ALK: variants seen among roughly 807,000 people sequenced by gnomAD.
ALK encodes ALK receptor tyrosine kinase.
Under a neutral mutation model 163.1 loss-of-function variants are expected in ALK, and 74 were observed. The observed-to-expected ratio is 0.45, with a 90% CI of 0.38 to 0.55. The LOEUF (loss-of-function observed/expected upper bound fraction) is 0.55, where lower values mean the gene tolerates loss of function less well. ALK is among the 20% of genes least tolerant of loss of function. The probability of loss-of-function intolerance (pLI) is 0.00; values close to 1 mark genes in which losing one functional copy is unlikely to be tolerated. For synonymous variants in ALK, 960 were observed against 843.2 expected, an observed-to-expected ratio of 1.14 and a Z score of -2.40; for missense variants, 2,063 against 2,105.3, an observed-to-expected ratio of 0.98 and a Z score of 0.39.
intron 1 of ALK, among the ~76,000 whole-genome samples, chr2:29,814,405 A>T (rs1219788033): frequency 6.6e-6 from 1 of 151,748 alleles, no homozygotes; most frequent in African/African-American, 2.4e-5. Context: ...TCACACCTGT[A>T]ATCCCAGCAC....
intron 1 of ALK, among the ~76,000 whole-genome samples, chr2:29,724,721 T>C (rs1679520468): frequency 6.6e-6 from 1 of 152,172 alleles, no homozygotes; most frequent in Admixed American, 6.5e-5. Context: ...CTCTGGTTCA[T>C]ACATATTTGT....
intron 23 of ALK, among the ~76,000 whole-genome samples, chr2:29,217,552 G>A (rs1669674513): frequency 6.6e-6 from 1 of 152,120 alleles, no homozygotes; most frequent in Non-Finnish European, 1.5e-5. Context: ...CATCCACTCT[G>A]TCTACCGCGT....
At chr2:29,701,576 A>G (rs1408608405) in intron 2 of ALK, among the ~76,000 whole-genome samples, 1 of 152,192 alleles carries the variant, frequency 6.6e-6, no homozygotes, top group Admixed American at 6.5e-5. Context: ...GTCTCTTATT[A>G]TGAAGTAAAG....
At chr2:29,229,319 C>T (rs1664119289) in intron 15 of ALK, among the ~76,000 whole-genome samples, 1 of 152,136 alleles carries the variant, frequency 6.6e-6, no homozygotes, top group Admixed American at 6.5e-5. Flanking sequence ...CTGCTTCCTG[C>T]CAGTACTCTC....
At chr2:29,784,707 C>A (rs969593673) in intron 1 of ALK, among the ~76,000 whole-genome samples, 5 of 62,540 alleles carry the variant, frequency 8.0e-5, no homozygotes, top group Admixed American at 2.2e-4. Context: ...ACAACAACAA[C>A]AACAAAAACA....
chr2:29,256,240 C>G (rs1234045020), intron 11 of ALK, among the ~76,000 whole-genome samples: 3 of 152,136 alleles, frequency 2.0e-5, no homozygotes, highest in African/African-American at 7.2e-5. Flanking sequence ...CTTGTTTTGT[C>G]CTTCTTCCTG....
intron 1 of ALK, among the ~76,000 whole-genome samples, chr2:29,871,231 T>G (rs1259070094): frequency 6.6e-6 from 1 of 152,154 alleles, no homozygotes; most frequent in Non-Finnish European, 1.5e-5. Flanking sequence ...AAGGCATCCT[T>G]TCACCTAGAG....
At chr2:29,383,399 C>T (rs1482275548) in intron 5 of ALK, among the ~76,000 whole-genome samples, 1 of 152,056 alleles carries the variant, frequency 6.6e-6, no homozygotes, top group African/African-American at 2.4e-5. Flanking sequence ...TCGCTGTGAC[C>T]TCTGTCTCCC....
intron 1 of ALK, among the ~76,000 whole-genome samples, chr2:29,881,833 C>T (rs1056059868): frequency 1.3e-5 from 2 of 152,144 alleles, no homozygotes; most frequent in Admixed American, 6.5e-5. Context: ...CTTTCATTAC[C>T]TGTACTCCCC....
At chr2:29,914,841 G>A (rs527460517) in intron 1 of ALK, among the ~76,000 whole-genome samples, 6 of 152,266 alleles carry the variant, frequency 3.9e-5, no homozygotes, top group African/African-American at 1.4e-4. Context: ...AAAGAACTCT[G>A]ACTTGAAGGA....
intron 1 of ALK, among the ~76,000 whole-genome samples, chr2:29,879,213 C>G (rs892674718): frequency 6.6e-6 from 1 of 152,208 alleles, no homozygotes; most frequent in African/African-American, 2.4e-5. Context: ...AATCCCTCCC[C>G]CAAGCAGTTT....
At chr2:29,772,097 T>TG (rs995846227) in intron 1 of ALK, among the ~76,000 whole-genome samples, 6 of 151,960 alleles carry the variant, frequency 3.9e-5, no homozygotes, top group Non-Finnish European at 5.9e-5. Context: ...CCCACCCAGA[T>TG]GGGAGCAGGG....
intron 4 of ALK, among the ~76,000 whole-genome samples, chr2:29,487,330 A>G (rs558415478): frequency 4.3e-4 from 66 of 152,326 alleles, no homozygotes; most frequent in Non-Finnish European, 7.5e-4. Context: ...ACAGTGTGAA[A>G]GGGAACCCCC....
At chr2:29,342,190 C>G (rs548617664) in intron 5 of ALK, among the ~76,000 whole-genome samples, 1 of 152,024 alleles carries the variant, frequency 6.6e-6, no homozygotes, top group East Asian at 1.9e-4. Context: ...AATTTGAACC[C>G]TTGTGTGTTG....
At chr2:29,249,646 T>C (rs1403542103) in intron 12 of ALK, among the ~76,000 whole-genome samples, 3 of 152,188 alleles carry the variant, frequency 2.0e-5, no homozygotes, top group East Asian at 3.9e-4. Context: ...CTTGGAAACA[T>C]GGGAACACCA....
intron 4 of ALK, among the ~76,000 whole-genome samples, chr2:29,489,939 G>A (rs1489766288): frequency 6.6e-6 from 1 of 152,230 alleles, no homozygotes; most frequent in Admixed American, 6.5e-5. Flanking sequence ...AAAATCTTTA[G>A]GTATCAGAAA....
At chr2:29,344,135 A>G (rs1302098452) in intron 5 of ALK, among the ~76,000 whole-genome samples, 1 of 152,238 alleles carries the variant, frequency 6.6e-6, no homozygotes, top group Non-Finnish European at 1.5e-5. Flanking sequence ...TGTGGATGAC[A>G]ATCTTCAGGC....
intron 1 of ALK, among the ~76,000 whole-genome samples, chr2:29,860,531 A>T (rs933756394): frequency 6.6e-6 from 1 of 152,224 alleles, no homozygotes; most frequent in Non-Finnish European, 1.5e-5. Context: ...GACCAAATGG[A>T]TCTAACAGAC....
chr2:29,242,790 C>T (rs112557992), intron 12 of ALK, among the ~76,000 whole-genome samples: 3,469 of 152,294 alleles, frequency 0.023, 51 homozygotes, highest in Admixed American at 0.029. Flanking sequence ...AAGCACAAGG[C>T]GAGACCCGGG....
Sources: gnomAD v4.1 joint callset for allele counts (sites outside exome capture counted in the v4.1 genomes callset) on GRCh38, gnomAD v4.1.1 for gene constraint, MANE v1.5 for transcripts, NCBI Gene and HGNC (gene_info 2026-07-23, HGNC 2026-07-21) for gene names.